The following SPOCK3 variants were observed in gnomAD, a reference collection of about 807,000 sequenced individuals.
SPOCK3 encodes testican-3.
Under a neutral mutation model 56.6 loss-of-function variants are expected in SPOCK3, and 30 were observed. The ratio of observed to expected loss-of-function variants is 0.53; its 90% CI spans 0.40 to 0.72. The LOEUF is 0.72. SPOCK3 is among the 30% of genes least tolerant of loss of function. SPOCK3 has a pLI of 0.00. For synonymous variants in SPOCK3, 196 were observed against 183.3 expected, an observed-to-expected ratio of 1.07 and a Z score of -0.56; for missense variants, 527 against 530.0, an observed-to-expected ratio of 0.99 and a Z score of 0.06.
chr4:167,000,882 T>G (rs1748882896), intron 3 of SPOCK3, among the ~76,000 whole-genome samples: 1 of 152,102 alleles, frequency 6.6e-6, no homozygotes, highest in African/African-American at 2.4e-5. Flanking sequence ...AGGGACAAAA[T>G]GAACAAACAA....
intron 7 of SPOCK3, among the ~76,000 whole-genome samples, chr4:166,776,243 T>G (rs554486431): frequency 7.9e-5 from 12 of 152,118 alleles, no homozygotes; most frequent in African/African-American, 2.4e-4. Context: ...TGAAACTCCC[T>G]CTCTGCTAAA....
At chr4:167,162,267 T>A (rs1765386160) in intron 2 of SPOCK3, among the ~76,000 whole-genome samples, 1 of 152,112 alleles carries the variant, frequency 6.6e-6, no homozygotes, top group Non-Finnish European at 1.5e-5. Context: ...AATAAATCTG[T>A]GTGCATTACT....
chr4:166,852,064 G>A (rs963497657), intron 6 of SPOCK3, among the ~76,000 whole-genome samples: 2 of 149,584 alleles, frequency 1.3e-5, no homozygotes, highest in Admixed American at 6.7e-5. Context: ...ACCAAACACC[G>A]CATATTCTCA....
At chr4:166,804,007 G>C (rs889102920) in intron 6 of SPOCK3, among the ~76,000 whole-genome samples, 7 of 152,110 alleles carry the variant, frequency 4.6e-5, no homozygotes, top group South Asian at 2.1e-4. Context: ...AAGAAAGAAG[G>C]GTTCACTAGC....
chr4:167,033,853 C>A (rs2150185861), intron 3 of SPOCK3, among the ~76,000 whole-genome samples: 1 of 151,758 alleles, frequency 6.6e-6, no homozygotes, highest in South Asian at 2.1e-4. Flanking sequence ...TTAAGGCAGC[C>A]CTCTATAAAA....
chr4:166,992,213 G>A (rs1293423812), intron 4 of SPOCK3, among the ~76,000 whole-genome samples: 1 of 151,966 alleles, frequency 6.6e-6, no homozygotes, highest in Non-Finnish European at 1.5e-5. Flanking sequence ...GGAAGTGTAG[G>A]AGTGGAACTG....
chr4:167,073,202 G>A (rs1260164782), intron 2 of SPOCK3, among the ~76,000 whole-genome samples: 1 of 151,222 alleles, frequency 6.6e-6, no homozygotes, highest in African/African-American at 2.4e-5. Context: ...CATCTATAAT[G>A]CTAAATATTG....
At chr4:167,060,893 G>T (rs1372974666) in intron 3 of SPOCK3, among the ~76,000 whole-genome samples, 1 of 151,898 alleles carries the variant, frequency 6.6e-6, no homozygotes, top group Non-Finnish European at 1.5e-5. Context: ...ACCTTGCAGG[G>T]TTATAACAAC....
intron 2 of SPOCK3, among the ~76,000 whole-genome samples, chr4:167,065,413 C>T (rs1291854205): frequency 6.6e-6 from 1 of 151,780 alleles, no homozygotes; most frequent in Non-Finnish European, 1.5e-5. Flanking sequence ...AAAATCTAAC[C>T]TCAACCACAT....
In SPOCK3 at chr4:166,798,620, G is replaced by A. The variant is rs1253021968; in HGVS notation, c.590-6331C>T. Among the ~76,000 whole-genome samples the A allele has an allele frequency of 2.0e-5, 3 of 152,172 alleles. No homozygotes were observed. The East Asian group carries it at 5.8e-4, about 29-fold the overall frequency. On this transcript the variant is annotated intron_variant, in intron 6 of 10. Coordinates refer to ENST00000357545, the MANE Select transcript of SPOCK3 (RefSeq NM_001040159.2). The stretch of plus-strand genomic sequence containing the variant: ...TATCAGATACGGAGAAACTTCTTAT[G>A]ATCTGGATTAAAGAGCAGACACAGA...
chr4:166,841,626 C>T (rs1747348313), intron 6 of SPOCK3, among the ~76,000 whole-genome samples: 1 of 151,282 alleles, frequency 6.6e-6, no homozygotes, highest in Non-Finnish European at 1.5e-5. Flanking sequence ...TCATTTCTTA[C>T]TATGGAAAAT....
intron 2 of SPOCK3, among the ~76,000 whole-genome samples, chr4:167,225,021 A>G (rs1251476221): frequency 1.3e-5 from 2 of 152,192 alleles, no homozygotes; most frequent in Admixed American, 6.6e-5. Flanking sequence ...AACTATTCTA[A>G]TCAAACAGTT....
chr4:166,868,869 C>A (rs1732154822), intron 6 of SPOCK3, among the ~76,000 whole-genome samples: 1 of 151,942 alleles, frequency 6.6e-6, no homozygotes, highest in South Asian at 2.1e-4. Context: ...TCTCTATTAT[C>A]TTTTTTTTCT....
At chr4:167,129,757 C>G (rs1278485138) in intron 2 of SPOCK3, among the ~76,000 whole-genome samples, 1 of 151,816 alleles carries the variant, frequency 6.6e-6, no homozygotes, top group Non-Finnish European at 1.5e-5. Flanking sequence ...GTGAAAGAAC[C>G]TAGATAAAAA....
intron 2 of SPOCK3, among the ~76,000 whole-genome samples, chr4:167,216,642 A>AT (rs945302737): frequency 2.6e-5 from 4 of 152,040 alleles, no homozygotes; most frequent in African/African-American, 7.2e-5. Context: ...GGTCATTTAA[A>AT]TTTTTTTTGC....
chr4:166,897,074 C>T (rs2127037381), intron 5 of SPOCK3, among the ~76,000 whole-genome samples: 1 of 152,216 alleles, frequency 6.6e-6, no homozygotes, highest in African/African-American at 2.4e-5. Context: ...GTAAAAATTG[C>T]TTTATATATC....
chr4:167,044,740 A>G (rs1285767781), intron 3 of SPOCK3, among the ~76,000 whole-genome samples: 1 of 151,996 alleles, frequency 6.6e-6, no homozygotes, highest in Non-Finnish European at 1.5e-5. Context: ...TCTTTCTGTT[A>G]TTGATTTCAA....
chr4:167,025,522 G>A (rs985629548), intron 3 of SPOCK3, among the ~76,000 whole-genome samples: 5 of 151,892 alleles, frequency 3.3e-5, no homozygotes, highest in African/African-American at 4.8e-5. Flanking sequence ...AACCCAATTA[G>A]AGACCTGTTT....
intron 2 of SPOCK3, among the ~76,000 whole-genome samples, chr4:167,205,497 ATATATAT>A (rs1379844506): frequency 5.6e-5 from 3 of 53,468 alleles, no homozygotes; most frequent in Admixed American, 3.6e-4. Flanking sequence ...ATAATATATA[ATATATAT>A]TATATAATAT....
Sources: gnomAD v4.1 joint callset for allele counts (sites outside exome capture counted in the v4.1 genomes callset) on GRCh38, gnomAD v4.1.1 for gene constraint, MANE v1.5 for transcripts, NCBI Gene and HGNC (gene_info 2026-07-23, HGNC 2026-07-21) for gene names.